Variants in MICAL1 observed in about 807,000 individuals in gnomAD.
The protein encoded by MICAL1 is microtubule associated monooxygenase, calponin and LIM domain containing 1, also known as [F-actin]-monooxygenase MICAL1.
MICAL1 carries 95 observed loss-of-function variants against 131.8 expected under a neutral mutation model. The ratio of observed to expected loss-of-function variants is 0.72; its 90% CI spans 0.61 to 0.86. MICAL1 has a LOEUF of 0.86. MICAL1 is among the 40% of genes least tolerant of loss of function. The probability of loss-of-function intolerance (pLI) is 0.00; values close to 1 mark genes in which losing one functional copy is unlikely to be tolerated. For synonymous variants in MICAL1, 546 were observed against 554.2 expected, an observed-to-expected ratio of 0.99 and a Z score of 0.21; for missense variants, 1,292 against 1,380.6, an observed-to-expected ratio of 0.94 and a Z score of 1.02.
rs757058981 is a variant in MICAL1 at position 109,453,294 on chromosome 6, A to G, written c.540T>C (p.Thr180=). The G allele has an allele frequency of 2.1e-5, 34 of 1,613,944 alleles. No individual in the cohort carries two copies. Among genetic ancestry groups the G allele is most frequent in the Non-Finnish European group, 2.8e-5 (33 of 1,179,970 alleles). The change falls in exon 4 of 25, where the codon ACT becomes ACC. Residue 180 remains threonine (T), a synonymous_variant. Transcript: ENST00000358807. The part of the protein sequence containing the change: ...LLGVEIHWGV[T]FTGLQPPPRK... ...TAGGAGGGGGCTGGAGGCCAGTGAAAGTGACACCCCAGTGAATTTCCACCC... is the reference window on the plus strand; with the variant it reads ...TAGGAGGGGGCTGGAGGCCAGTGAAGGTGACACCCCAGTGAATTTCCACCC...
At chr6:109,451,210 G>A (rs13198817) in intron 7 of MICAL1, among the ~76,000 whole-genome samples, 1 of 150,226 alleles carries the variant, frequency 6.7e-6, no homozygotes, top group Non-Finnish European at 1.5e-5. Context: ...CTGGAGTGCA[G>A]TGGCACAATC....
chr6:109,449,175 G>A (rs1007942718), intron 11 of MICAL1: 83 of 683,426 alleles, frequency 1.2e-4, no homozygotes, highest in Non-Finnish European at 1.9e-4. Context: ...GGCTGTAACG[G>A]TGGTTCAAAC....
upstream of MICAL1, among the ~76,000 whole-genome samples, chr6:109,458,302 G>A (rs1273948581): frequency 1.3e-5 from 2 of 152,210 alleles, no homozygotes; most frequent in African/African-American, 2.4e-5. Flanking sequence ...AGTTTAAAGA[G>A]TCCCATTCTA....
In MICAL1 at chr6:109,448,395, T is replaced by C; in HGVS notation, c.1665-2A>G. ...AGCCCCTGCAGCTCTGAGGGTTCCC[T>C]GTGGGATGTCAGGGAGAAAAGCCAA... is the stretch of plus-strand genomic sequence containing the variant. On this transcript the variant is annotated splice_acceptor_variant, in intron 12 of 24. Coordinates refer to ENST00000358807, the MANE Select transcript of MICAL1 (RefSeq NM_022765.4). LOFTEE classifies it high-confidence loss of function. 1.2e-6 allele frequency: 2 copies of C among 1,613,020 alleles called. No homozygotes were observed. The highest frequency in any genetic ancestry group is 1.7e-6 in the Non-Finnish European group (2 of 1,179,940).
Position 109,444,894 on chromosome 6 carries a change from AC to A in MICAL1, c.2981+1del. 1 of 1,614,090 alleles carries A rather than the reference AC, an allele frequency of 6.2e-7. No individual in the cohort carries two copies. The highest frequency in any genetic ancestry group is 1.1e-5 in the South Asian group (1 of 91,084). On this transcript the variant is annotated splice_donor_variant, in intron 23 of 24. Coordinates refer to ENST00000358807, the MANE Select transcript of MICAL1 (RefSeq NM_022765.4). LOFTEE classifies it high-confidence loss of function. The stretch of plus-strand genomic sequence containing the variant: ...CCACTGTCACCATCCCCTTCCCCTT[AC>A]GTGATCATGAGCTCGGCCTCCTCAG...
rs1451792749 is a variant in MICAL1 at position 109,455,376 on chromosome 6, G to A, written c.-44+343C>T. ...GGGCAGACGGAATCTCATGACGGAA[G>A]GGCAAAGATCTTTCTTGGGGGTGGA... On this transcript the variant is annotated intron_variant, in intron 1 of 24. Coordinates refer to ENST00000358807, the MANE Select transcript of MICAL1 (RefSeq NM_022765.4). This position sits in a 1 kb window ranked among gnomAD's most constrained non-coding sequence, Gnocchi z 4.7. 6.6e-6 allele frequency among the ~76,000 whole-genome samples: 1 copy of A among 152,198 alleles called. No homozygotes were observed. The highest frequency in any genetic ancestry group is 2.4e-5 in the African/African-American group (1 of 41,462).
intron 7 of MICAL1, among the ~76,000 whole-genome samples, chr6:109,450,989 C>G (rs1775516092): frequency 6.6e-6 from 1 of 152,082 alleles, no homozygotes; most frequent in South Asian, 2.1e-4. Context: ...CGAGCGCTTA[C>G]TATGTATTTG....
chr6:109,459,460 G>A (rs1477097907), upstream of MICAL1, among the ~76,000 whole-genome samples: 5 of 152,208 alleles, frequency 3.3e-5, no homozygotes, highest in East Asian at 9.6e-4. Context: ...GCCATGAATT[G>A]GGTGTGGGGG....
rs145195776 is a variant in MICAL1 at position 109,447,160 on chromosome 6, C to T, written c.2140G>A (p.Gly714Ser). 1.3e-4 allele frequency: 207 copies of T among 1,614,166 alleles called. 1 individual carries two copies. The African/African-American group carries it at 2.3e-3, about 18-fold the overall frequency. The change falls in exon 17 of 25, where the codon GGC becomes AGC. Residue 714 changes from glycine to serine, a missense_variant. Coordinates refer to ENST00000358807, the MANE Select transcript of MICAL1 (RefSeq NM_022765.4). ...AAGCAGCTCCGGTGGAAGAAATGGC[C>T]GTTGACACAGAGGCGTTCCAGGACA... is the stretch of plus-strand genomic sequence containing the variant. ...LYVLERLCVN[G>S]HFFHRSCFRC...
At chr6:109,465,694 C>T (rs530804822) in exon 1 of MICAL1, 7 of 1,601,366 alleles carry the variant, frequency 4.4e-6, no homozygotes, top group Admixed American at 1.7e-5. Context: ...ATCTTGCTAC[C>T]TGGATGGAGG....
chr6:109,456,164 G>A (rs1562295175), upstream of MICAL1, among the ~76,000 whole-genome samples: 1 of 152,232 alleles, frequency 6.6e-6, no homozygotes, highest in South Asian at 2.1e-4. Context: ...GCGCGTGCAA[G>A]GCTAGCTCTT....
At chr6:109,454,270 C>G (rs748355242) in intron 1 of MICAL1, 31 bp from the exon 2 acceptor site, 67 of 1,518,084 alleles carry the variant, frequency 4.4e-5, no homozygotes, top group Non-Finnish European at 5.6e-5. Flanking sequence ...GGGGAAGAGG[C>G]TGGAGAACAG....
rs1287520371 is a variant in MICAL1 at position 109,448,796 on chromosome 6, A to G, written c.1600T>C (p.Ser534Pro). The change falls in exon 12 of 25, where the codon TCT (serine) becomes CCT (proline). Residue 534 changes from serine to proline, a missense_variant. Coordinates refer to ENST00000358807, the MANE Select transcript of MICAL1 (RefSeq NM_022765.4). ...GCTAGCCCATCAGCCCAGGAGGAAG[A>G]CAAATCGGAGACGTGGACTCCCGGG... ...GYPGVHVSDL[S>P]SSWADGLALC... 1.2e-6 allele frequency: 2 copies of G among 1,614,084 alleles called. No homozygotes were observed. Among genetic ancestry groups the G allele is most frequent in the Non-Finnish European group, 1.7e-6 (2 of 1,179,996 alleles).
In MICAL1 at chr6:109,446,308, A is replaced by G. The variant is rs756488735; in HGVS notation, c.2409T>C (p.Arg803=). 1.2e-6 allele frequency: 2 copies of G among 1,613,854 alleles called. No individual in the cohort carries two copies. The highest frequency in any genetic ancestry group is 1.7e-5 in the Admixed American group (1 of 59,974). ...CCGGGCTGGAGAGGCGGATCTGCCG[A>G]CGGGTGGGCTGGCTGGGATCTGGAA... ...GPVPDPSQPT[R]RQIRLSSPER... The change falls in exon 19 of 25, where the codon CGT becomes CGC. Residue 803 remains arginine, a synonymous_variant. Coordinates refer to ENST00000358807, the MANE Select transcript of MICAL1 (RefSeq NM_022765.4).
Position 109,451,716 on chromosome 6 carries a change from AG to A in MICAL1, c.833-17del. On this transcript the variant is annotated splice_polypyrimidine_tract_variant and intron_variant, in intron 6 of 24. Transcript: ENST00000358807. ...AGATCAATGCCTGGGGGTACAGGGC[AG>A]GGGACAGTAGATATGTCTCCTGATA... The A allele has an allele frequency of 6.2e-7, 1 of 1,613,470 alleles. No homozygotes were observed. Among genetic ancestry groups the A allele is most frequent in the Non-Finnish European group, 8.5e-7 (1 of 1,179,674 alleles).
At chr6:109,451,796 C>A in intron 6 of MICAL1, 96 bp from the exon 7 acceptor site, 1 of 1,542,438 alleles carries the variant, frequency 6.5e-7, no homozygotes. Flanking sequence ...AGCTGGGATC[C>A]CAGCTTAGGC....
chr6:109,457,209 C>A (rs1010589383), upstream of MICAL1, among the ~76,000 whole-genome samples: 1 of 152,132 alleles, frequency 6.6e-6, no homozygotes, highest in Non-Finnish European at 1.5e-5. Context: ...CCAGGAGAGG[C>A]GAGGGAATTC....
intron 4 of MICAL1, among the ~76,000 whole-genome samples, chr6:109,452,955 G>A (rs1775604404): frequency 2.6e-5 from 4 of 152,080 alleles, no homozygotes; most frequent in East Asian, 1.9e-4. Flanking sequence ...TCAGTAGTTC[G>A]AGACCAGCCT....
rs760548962 is a variant in MICAL1, at chr6:109,448,331, G to C, written c.1727C>G (p.Ala576Gly). ...LEATAWALKV[A>G]ENELGITPVV... The stretch of plus-strand genomic sequence containing the variant: ...CGGTGTGATGCCCAGCTCATTCTCT[G>C]CCACCTTTAGTGCCCAAGCAGTTGC... The change falls in exon 13 of 25, where the codon GCA (alanine) becomes GGA (glycine). Residue 576 changes from alanine to glycine, a missense_variant. Physicochemically the swap from Ala to Gly is moderately conservative, Grantham distance 60. Transcript: ENST00000358807. 5.6e-6 allele frequency: 9 copies of C among 1,613,960 alleles called. No homozygotes were observed. Among genetic ancestry groups the C allele is most frequent in the Non-Finnish European group, 7.6e-6 (9 of 1,180,010 alleles).
Sources: gnomAD v4.1 joint callset for allele counts (sites outside exome capture counted in the v4.1 genomes callset) on GRCh38, gnomAD v4.1.1 for gene constraint, Gnocchi (gnomAD v3.1) non-coding constraint, MANE v1.5 for transcripts, NCBI Gene and HGNC (gene_info 2026-07-23, HGNC 2026-07-21) for gene names.